PAK1: variants seen among roughly 807,000 people sequenced by gnomAD.
PAK1 encodes p21 (RAC1) activated kinase 1.
In PAK1, 29 loss-of-function variants were observed where a neutral mutation model predicts 67.4. The ratio of observed to expected loss-of-function variants is 0.43; its 90% CI spans 0.32 to 0.59. PAK1 has a LOEUF of 0.59. Ranked by LOEUF, PAK1 falls within the 20% of genes least tolerant of loss-of-function variation. The pLI is 0.07. For missense variants in PAK1, 337 were observed against 670.7 expected, an observed-to-expected ratio of 0.50 and a Z score of 5.50; for synonymous variants, 223 against 237.4, an observed-to-expected ratio of 0.94 and a Z score of 0.56.
chr11:77,325,246 T>C, intron 14 of PAK1: 8 of 1,558,290 alleles, frequency 5.1e-6, no homozygotes, highest in Non-Finnish European at 7.0e-6. Context: ...GTTGTGATAC[T>C]CTTTGAGCCT....
chr11:77,340,003 G>C (rs979034526), intron 11 of PAK1, among the ~76,000 whole-genome samples: 1 of 152,122 alleles, frequency 6.6e-6, no homozygotes, highest in African/African-American at 2.4e-5. Context: ...CACTGTCCAG[G>C]CTTTCTGGAG....
At chr11:77,361,573 T>C (rs1283839730) in intron 5 of PAK1, among the ~76,000 whole-genome samples, 1 of 152,168 alleles carries the variant, frequency 6.6e-6, no homozygotes, top group Non-Finnish European at 1.5e-5. Flanking sequence ...ACATTTTTTT[T>C]CTTTTTAAAG....
intron 1 of PAK1, among the ~76,000 whole-genome samples, chr11:77,458,212 A>T (rs1957165328): frequency 6.6e-6 from 1 of 152,220 alleles, no homozygotes; most frequent in African/African-American, 2.4e-5. Flanking sequence ...CAAACATTTT[A>T]AAATGTTTAT....
chr11:77,476,697 A>G (rs772111549), upstream of PAK1: 2 of 152,210 alleles, frequency 1.3e-5, no homozygotes, highest in Non-Finnish European at 2.9e-5. Flanking sequence ...ATAAATGTGT[A>G]TTGTTGGCCA....
At chr11:77,456,233 A>T (rs762832197) in intron 1 of PAK1, among the ~76,000 whole-genome samples, 4 of 151,926 alleles carry the variant, frequency 2.6e-5, no homozygotes, top group Non-Finnish European at 5.9e-5. Flanking sequence ...TAGACATCAC[A>T]CTCTCCCACT....
chr11:77,404,941 A>G (rs1953259832), intron 1 of PAK1, among the ~76,000 whole-genome samples: 1 of 152,184 alleles, frequency 6.6e-6, no homozygotes, highest in African/African-American at 2.4e-5. Flanking sequence ...AAATACACAA[A>G]TAAATACACA....
intron 1 of PAK1, among the ~76,000 whole-genome samples, chr11:77,445,469 A>G (rs1445639689): frequency 6.6e-6 from 1 of 152,220 alleles, no homozygotes; most frequent in Non-Finnish European, 1.5e-5. Flanking sequence ...TAATGAAATC[A>G]AAGTTTTTTA....
intron 1 of PAK1, among the ~76,000 whole-genome samples, chr11:77,462,306 G>T (rs939537746): frequency 6.7e-6 from 1 of 149,786 alleles, no homozygotes; most frequent in Non-Finnish European, 1.5e-5. Context: ...ACTCCAGCCT[G>T]GGCAACAGAG....
intron 11 of PAK1, among the ~76,000 whole-genome samples, chr11:77,340,046 A>G (rs112734999): frequency 0.031 from 4,723 of 152,220 alleles, 128 homozygotes; most frequent in African/African-American, 0.076. Flanking sequence ...GCGTATTATC[A>G]ATTCTAGACA....
chr11:77,454,475 G>A (rs1018369338), intron 1 of PAK1, among the ~76,000 whole-genome samples: 1 of 152,082 alleles, frequency 6.6e-6, no homozygotes, highest in African/African-American at 2.4e-5. Flanking sequence ...GCTGTTGGCT[G>A]CCTACCCAGC....
Position 77,336,186 on chromosome 11 carries a change from C to T in PAK1, c.1313G>A (p.Arg438Gln). ...GTCAACCTTGGGCCCATAGGCCTTTCGTGTCACAACCTCTGGTGCCATCCA... is the reference window on the plus strand; with the variant it reads ...GTCAACCTTGGGCCCATAGGCCTTTTGTGTCACAACCTCTGGTGCCATCCA... ...PYWMAPEVVTRKAYGPKVDIW... is the reference protein window; with the variant it reads ...PYWMAPEVVTQKAYGPKVDIW... Residue 438 changes from arginine to glutamine, a missense_variant, in exon 13 of 15, where the codon CGA becomes CAA. Coordinates refer to ENST00000356341, the MANE Select transcript of PAK1 (RefSeq NM_002576.5). 3.7e-6 allele frequency: 6 copies of T among 1,613,896 alleles called. No individual in the cohort carries two copies. The highest frequency in any genetic ancestry group is 5.1e-6 in the Non-Finnish European group (6 of 1,179,752).
At chr11:77,468,994 C>T (rs1389651927) in intron 1 of PAK1, among the ~76,000 whole-genome samples, 2 of 152,038 alleles carry the variant, frequency 1.3e-5, no homozygotes, top group African/African-American at 4.8e-5. Context: ...GTTATTTTTC[C>T]TGTATGAATG....
At chr11:77,382,944 C>T (rs1950017259) in intron 2 of PAK1, among the ~76,000 whole-genome samples, 1 of 152,150 alleles carries the variant, frequency 6.6e-6, no homozygotes, top group African/African-American at 2.4e-5. Context: ...TTGAAGTGAA[C>T]TGAAATTGTA....
intron 1 of PAK1, among the ~76,000 whole-genome samples, chr11:77,468,684 G>T (rs888594483): frequency 2.0e-5 from 3 of 152,152 alleles, no homozygotes; most frequent in Non-Finnish European, 4.4e-5. Context: ...TTCAGTCAGG[G>T]TTTTCTTAGG....
the PAK1 span, among the ~76,000 whole-genome samples, chr11:77,495,851 C>T: frequency 6.6e-6 from 1 of 152,128 alleles, no homozygotes; most frequent in African/African-American, 2.4e-5. Context: ...TTCATAGAGA[C>T]AGAAAGTACA....
intron 1 of PAK1, among the ~76,000 whole-genome samples, chr11:77,446,033 CTCTT>C (rs1436658297): frequency 2.0e-5 from 3 of 152,192 alleles, no homozygotes; most frequent in African/African-American, 4.8e-5. Flanking sequence ...GTATTATTTT[CTCTT>C]TCTTTGCCAC....
At chr11:77,354,067 G>A (rs886558719) in intron 7 of PAK1, among the ~76,000 whole-genome samples, 24 of 152,076 alleles carry the variant, frequency 1.6e-4, no homozygotes, top group East Asian at 9.6e-4. Context: ...AAAAAGACTG[G>A]AAAAACTTCA....
At chr11:77,347,063 A>G (rs1226598891) in intron 9 of PAK1, 2 of 456,162 alleles carry the variant, frequency 4.4e-6, no homozygotes, top group East Asian at 6.9e-5. Context: ...ATGGACTCCA[A>G]TAAAGATTTA....
chr11:77,457,711 A>G (rs1957142852), intron 1 of PAK1, among the ~76,000 whole-genome samples: 1 of 152,170 alleles, frequency 6.6e-6, no homozygotes, highest in Non-Finnish European at 1.5e-5. Context: ...TCTCATTTCC[A>G]TCTCAATCTC....
Sources: gnomAD v4.1 joint callset for allele counts (sites outside exome capture counted in the v4.1 genomes callset) on GRCh38, gnomAD v4.1.1 for gene constraint, MANE v1.5 for transcripts, NCBI Gene and HGNC (gene_info 2026-07-23, HGNC 2026-07-21) for gene names.